The following C1orf185 variants were observed in gnomAD, a reference collection of about 807,000 sequenced individuals.
C1orf185 encodes the protein chromosome 1 open reading frame 185, also known as uncharacterized protein C1orf185.
In C1orf185, 13 loss-of-function variants were observed where a neutral mutation model predicts 16.1. That is an observed-to-expected ratio of 0.81 (90% CI 0.53 to 1.28). The LOEUF (loss-of-function observed/expected upper bound fraction) is 1.28. C1orf185 is among the 50% of genes most tolerant of loss of function. C1orf185 has a pLI of 0.00. For synonymous variants in C1orf185, 80 were observed against 76.9 expected (o/e 1.04, Z -0.21); for missense variants, 220 against 225.2 (o/e 0.98, Z 0.15).
At chr1:51,139,157 G>A (rs534033515) in intron 3 of C1orf185, among the ~76,000 whole-genome samples, 22 of 151,402 alleles carry the variant, frequency 1.5e-4, no homozygotes, top group African/African-American at 5.1e-4. Flanking sequence ...GGTTACAGTG[G>A]AATGGTGTGA....
chr1:51,135,560 T>C (rs796516176), intron 3 of C1orf185, among the ~76,000 whole-genome samples: 15 of 152,120 alleles, frequency 9.9e-5, no homozygotes, highest in African/African-American at 3.4e-4. Context: ...AAACAGAACA[T>C]GATTATTTCA....
intron 3 of C1orf185, among the ~76,000 whole-genome samples, chr1:51,127,290 A>ATT (rs1344235433): frequency 6.9e-6 from 1 of 145,258 alleles, no homozygotes; most frequent in Admixed American, 6.9e-5. Flanking sequence ...ATTTTTTGTC[A>ATT]TTTTTTTTTT....
chr1:51,141,189 T>C lies in C1orf185; in HGVS notation c.259-4535T>C, dbSNP rs575114034. ...TGCTATGTTGAACAGGTGTGTACAG[T>C]GATATTAAGAAGAGATAAGGCCAGG... On this transcript the variant is annotated intron_variant, in intron 3 of 4. Transcript: ENST00000371759. Among the ~76,000 whole-genome samples the C allele has an allele frequency of 2.0e-5, 3 of 152,232 alleles. No individual in the cohort carries two copies. The East Asian group carries it at 5.8e-4, about 29-fold the overall frequency.
chr1:51,110,441 A>G (rs1055493518), intron 1 of C1orf185, among the ~76,000 whole-genome samples: 2 of 152,194 alleles, frequency 1.3e-5, no homozygotes, highest in East Asian at 1.9e-4. Context: ...GAATGTAGAC[A>G]TTTCTGATCT....
downstream of C1orf185, among the ~76,000 whole-genome samples, chr1:51,150,493 A>G (rs935230928): frequency 2.0e-5 from 3 of 152,092 alleles, no homozygotes; most frequent in African/African-American, 7.2e-5. Flanking sequence ...ACGCCTGGCC[A>G]TAAATGGAAT....
chr1:51,147,496 C>T lies in C1orf185; in HGVS notation c.325C>T (p.Gln109Ter), dbSNP rs778656488. The change falls in exon 5 of 5, where the codon CAA (glutamine) becomes TAA (stop). Residue 109 changes from glutamine to a stop codon, truncating the protein, a stop_gained. Coordinates refer to ENST00000371759, the MANE Select transcript of C1orf185 (RefSeq NM_001136508.2). LOFTEE classifies it low-confidence loss of function (END_TRUNC). ...TAAAGATCATTCTAAAGATGAACCCCAACTTGCAACAAAAAATATCATTTG... is the reference window on the plus strand; with the variant it reads ...TAAAGATCATTCTAAAGATGAACCCTAACTTGCAACAAAAAATATCATTTG... ...AIKDHSKDEPQLATKNIICDP... is the reference protein window; with the variant it reads ...AIKDHSKDEP 78 of 1,542,466 alleles carry T rather than the reference C, an allele frequency of 5.1e-5. No individual in the cohort carries two copies. The highest frequency in any genetic ancestry group is 6.2e-5 in the Non-Finnish European group (71 of 1,143,706).
chr1:51,118,799 C>G lies in C1orf185; in HGVS notation c.256C>G (p.Gln86Glu). 1 of 1,448,114 alleles carries G rather than the reference C, an allele frequency of 6.9e-7. No homozygotes were observed. The highest frequency in any genetic ancestry group is 2.4e-5 in the Admixed American group (1 of 41,278). 89.7% of individuals were successfully genotyped at this position (1,448,114 alleles called of 1,614,324 possible). A position where few individuals can be genotyped will look rare whatever the true frequency, so the allele number is the denominator to read the frequency against. ...TTTTCATACTGGGAGATTCCAATTACAGGTAGGGTGTAATATTTTATAGTA... is the reference window on the plus strand; with the variant it reads ...TTTTCATACTGGGAGATTCCAATTAGAGGTAGGGTGTAATATTTTATAGTA... ...RNFHTGRFQL[Q>E]EEQRKKEAAH... The change falls in exon 3 of 5, where the codon CAG becomes GAG. Residue 86 changes from glutamine (Q) to glutamate (E), a missense_variant and splice_region_variant. Physicochemically the swap from Gln to Glu is conservative, Grantham distance 29. Transcript: ENST00000371759.
chr1:51,118,369 A>G (rs1481203816), intron 2 of C1orf185, among the ~76,000 whole-genome samples: 1 of 152,244 alleles, frequency 6.6e-6, no homozygotes, highest in Non-Finnish European at 1.5e-5. Context: ...AAAGAAGTAT[A>G]TCAAAGACTC....
chr1:51,108,093 T>C (rs1049426705), intron 1 of C1orf185, among the ~76,000 whole-genome samples: 2 of 152,186 alleles, frequency 1.3e-5, no homozygotes, highest in African/African-American at 4.8e-5. Context: ...TTTTACCAAA[T>C]TACATTCTCA....
chr1:51,111,938 A>G (rs914588213), intron 1 of C1orf185, among the ~76,000 whole-genome samples: 2 of 152,234 alleles, frequency 1.3e-5, no homozygotes, highest in African/African-American at 4.8e-5. Flanking sequence ...TTGGGATTAC[A>G]GGCATGAGCC....
At chr1:51,108,728 C>T (rs1646091734) in intron 1 of C1orf185, among the ~76,000 whole-genome samples, 1 of 152,158 alleles carries the variant, frequency 6.6e-6, no homozygotes, top group Admixed American at 6.6e-5. Context: ...CCAGTCCCAT[C>T]CATGTTGCTG....
intron 1 of C1orf185, among the ~76,000 whole-genome samples, chr1:51,103,444 CACACAA>C (rs1163038038): frequency 1.7e-4 from 26 of 150,404 alleles, no homozygotes; most frequent in African/African-American, 5.0e-4. Flanking sequence ...CACACACACA[CACACAA>C]AAACCACGAA....
intron 2 of C1orf185, among the ~76,000 whole-genome samples, chr1:51,118,162 C>T (rs531348492): frequency 4.6e-5 from 7 of 152,192 alleles, no homozygotes; most frequent in Non-Finnish European, 7.3e-5. Flanking sequence ...TCAAGTGATC[C>T]GCCCGCCTTG....
At chr1:51,105,892 A>AC (rs1250186824) in intron 1 of C1orf185, among the ~76,000 whole-genome samples, 1 of 152,232 alleles carries the variant, frequency 6.6e-6, no homozygotes, top group African/African-American at 2.4e-5. Context: ...ACAGAAAGTG[A>AC]CACTCATTGA....
chr1:51,112,341 C>G, intron 1 of C1orf185, 123 bp from the exon 2 acceptor site: 1 of 737,236 alleles, frequency 1.4e-6, no homozygotes, highest in Non-Finnish European at 2.1e-6. Context: ...ATTCCCATCT[C>G]CCAATCTCCT....
At chr1:51,130,689 A>G (rs934909138) in intron 3 of C1orf185, among the ~76,000 whole-genome samples, 7 of 152,088 alleles carry the variant, frequency 4.6e-5, no homozygotes, top group African/African-American at 1.7e-4. Context: ...AAATCAGTTG[A>G]CTGTAAGTGT....
chr1:51,104,546 C>A lies in C1orf185; in HGVS notation c.16+2297C>A, dbSNP rs192061033. Among the ~76,000 whole-genome samples the A allele has an allele frequency of 8.5e-5, 13 of 152,106 alleles. No individual in the cohort carries two copies. The East Asian group carries it at 2.5e-3, about 29-fold the overall frequency. ...AGAGAGGGAGAAAAATCAGTAGTGA[C>A]CTTTGGATTTTGTGTTAACGAAGTT... On this transcript the variant is annotated intron_variant, in intron 1 of 4. Transcript: ENST00000371759.
At chr1:51,103,558 G>A (rs1441057416) in intron 1 of C1orf185, among the ~76,000 whole-genome samples, 1 of 135,020 alleles carries the variant, frequency 7.4e-6, no homozygotes, top group Non-Finnish European at 1.6e-5. Context: ...TTTTGAGACT[G>A]AGTTTCACTC....
chr1:51,132,299 G>A (rs115275804), intron 3 of C1orf185, among the ~76,000 whole-genome samples: 1 of 152,150 alleles, frequency 6.6e-6, no homozygotes, highest in Non-Finnish European at 1.5e-5. Context: ...AGATTACTGA[G>A]CTCCAGAAGT....
Sources: allele counts gnomAD v4.1 joint callset (sites outside exome capture counted in the v4.1 genomes callset), GRCh38; gene constraint gnomAD v4.1.1; transcripts MANE v1.5; gene names NCBI Gene and HGNC (gene_info 2026-07-23, HGNC 2026-07-21).